Variants in HMBOX1 observed in about 807,000 individuals in gnomAD.
The protein encoded by HMBOX1 is homeobox containing 1.
In HMBOX1, 14 loss-of-function variants were observed where a neutral mutation model predicts 54.5. The observed-to-expected ratio is 0.26, with a 90% CI of 0.17 to 0.40. The LOEUF is 0.40. Ranked by LOEUF, HMBOX1 falls within the 10% of genes least tolerant of loss-of-function variation. The probability of loss-of-function intolerance (pLI) is 1.00; values close to 1 mark genes in which losing one functional copy is unlikely to be tolerated. For synonymous variants in HMBOX1, 160 were observed against 181.0 expected, an observed-to-expected ratio of 0.88 and a Z score of 0.93; for missense variants, 332 against 514.4, an observed-to-expected ratio of 0.65 and a Z score of 3.43.
At position 28,918,605 on chromosome 8, in the gene HMBOX1, T is replaced by C. The variant is rs551997000; in HGVS notation, c.-58+27927T>C. Among the ~76,000 whole-genome samples the C allele has an allele frequency of 5.9e-5, 9 of 152,350 alleles. No homozygotes were observed. In the South Asian group the frequency reaches 1.7e-3, roughly 28 times the overall value. ...CTTGTTTATAGTATTACTTGGTACT[T>C]TTAACCTCTATAGGGTCTCTAATGA... On this transcript the variant is annotated intron_variant, in intron 1 of 9. Transcript: ENST00000287701.
Position 29,024,877 on chromosome 8 carries a change from C to T in HMBOX1, c.851+5964C>T, listed in dbSNP as rs143324207. On this transcript the variant is annotated intron_variant, in intron 6 of 9. Transcript: ENST00000287701. The stretch of plus-strand genomic sequence containing the variant: ...GTGGCAGCAGAGCAAGCATTACTGC[C>T]TGAGCTCCACCTGCTGTGAGATCAG... Among the ~76,000 whole-genome samples, 147 of 152,286 alleles carry T rather than the reference C, an allele frequency of 9.7e-4. 1 individual carries two copies. The highest frequency in any genetic ancestry group is 3.3e-3 in the African/African-American group (137 of 41,568).
At chr8:28,900,271 A>AAAT (rs747317282) in intron 1 of HMBOX1, among the ~76,000 whole-genome samples, 739 of 70,336 alleles carry the variant, frequency 0.011, 8 homozygotes, top group African/African-American at 0.022. Flanking sequence ...AAAAAAAAAA[A>AAAT]ATATATATAT....
intron 1 of HMBOX1, among the ~76,000 whole-genome samples, chr8:28,960,591 A>G (rs1214333328): frequency 6.6e-6 from 1 of 151,594 alleles, no homozygotes; most frequent in Non-Finnish European, 1.5e-5. Context: ...TCATTCTAAA[A>G]GGTATACTGA....
At chr8:28,986,319 T>C (rs1263080561) in intron 4 of HMBOX1, among the ~76,000 whole-genome samples, 2 of 152,352 alleles carry the variant, frequency 1.3e-5, no homozygotes, top group African/African-American at 4.8e-5. Flanking sequence ...ACCTACTGGA[T>C]AGCATCTTGG....
chr8:28,921,554 T>C (rs761130760), intron 1 of HMBOX1, among the ~76,000 whole-genome samples: 22 of 152,220 alleles, frequency 1.4e-4, no homozygotes, highest in Non-Finnish European at 2.2e-4. Flanking sequence ...TTAGTAGATA[T>C]GGTTGACCAA....
chr8:28,987,822 AG>A (rs1331256960), intron 4 of HMBOX1, among the ~76,000 whole-genome samples: 2 of 152,232 alleles, frequency 1.3e-5, no homozygotes, highest in African/African-American at 2.4e-5. Flanking sequence ...TTGGCTTAGA[AG>A]AAAACTTTTA....
chr8:28,976,033 TAA>T (rs2132422680), intron 3 of HMBOX1, among the ~76,000 whole-genome samples: 1 of 152,264 alleles, frequency 6.6e-6, no homozygotes, highest in African/African-American at 2.4e-5. Context: ...TAAAAATACT[TAA>T]GAGAATTGGA....
intron 1 of HMBOX1, among the ~76,000 whole-genome samples, chr8:28,942,602 TTCC>T (rs1290455156): frequency 6.6e-6 from 1 of 152,172 alleles, no homozygotes; most frequent in African/African-American, 2.4e-5. Flanking sequence ...GTTCCCTACT[TTCC>T]TCCTCCTGCT....
chr8:28,980,611 T>G (rs2132477457), intron 4 of HMBOX1, among the ~76,000 whole-genome samples: 1 of 152,332 alleles, frequency 6.6e-6, no homozygotes, highest in East Asian at 1.9e-4. Context: ...GAAACATTAC[T>G]GAGAAGAGTC....
chr8:29,051,545 T>C lies in HMBOX1; in HGVS notation c.*390T>C. On this transcript the variant is annotated 3_prime_UTR_variant, in exon 10 of 10. Coordinates refer to ENST00000287701, the MANE Select transcript of HMBOX1 (RefSeq NM_001135726.3). ...ACACTAGTCTGTACTCCCTTTTCCT[T>C]CCCCAAGACTGATAGGATGCAAGCT... The C allele has an allele frequency of 1.4e-6, 1 of 702,814 alleles. No individual in the cohort carries two copies. The highest frequency in any genetic ancestry group is 2.6e-6 in the Non-Finnish European group (1 of 384,944). 43.5% of individuals were successfully genotyped at this position (702,814 alleles called of 1,614,324 possible).
At chr8:29,049,487 G>T in intron 9 of HMBOX1, 2 of 1,454,764 alleles carry the variant, frequency 1.4e-6, no homozygotes. Flanking sequence ...CGCAGGGCAC[G>T]ATGGAAGGCC....
At chr8:29,032,173 AT>A (rs983866175) in intron 6 of HMBOX1, among the ~76,000 whole-genome samples, 1 of 148,094 alleles carries the variant, frequency 6.8e-6, no homozygotes, top group African/African-American at 2.5e-5. Flanking sequence ...ACCAAAAAAC[AT>A]TTTTCTTCAT....
At chr8:29,046,828 A>G (rs1303059494) in intron 7 of HMBOX1, among the ~76,000 whole-genome samples, 1 of 152,198 alleles carries the variant, frequency 6.6e-6, no homozygotes, top group African/African-American at 2.4e-5. Flanking sequence ...CAAAAACCAC[A>G]AAAGTTAGCC....
chr8:28,915,184 A>G (rs1816270210), intron 1 of HMBOX1, among the ~76,000 whole-genome samples: 1 of 152,204 alleles, frequency 6.6e-6, no homozygotes, highest in Non-Finnish European at 1.5e-5. Flanking sequence ...TATAATGCCT[A>G]TTACATTTTA....
chr8:28,961,271 T>G (rs553402582), intron 1 of HMBOX1, among the ~76,000 whole-genome samples: 1 of 152,332 alleles, frequency 6.6e-6, no homozygotes, highest in African/African-American at 2.4e-5. Context: ...TCAGTGGCAT[T>G]AAATACATAC....
chr8:29,036,316 A>C (rs1391619368), intron 6 of HMBOX1, among the ~76,000 whole-genome samples: 1 of 152,180 alleles, frequency 6.6e-6, no homozygotes, highest in Non-Finnish European at 1.5e-5. Context: ...ACAAGTAAAG[A>C]AAAGCATCCT....
intron 5 of HMBOX1, among the ~76,000 whole-genome samples, chr8:29,013,219 TC>T (rs957959075): frequency 1.3e-5 from 2 of 152,180 alleles, no homozygotes; most frequent in African/African-American, 4.8e-5. Context: ...CACTGCAACT[TC>T]TGCCTTTCGG....
At chr8:29,019,006 A>G in intron 6 of HMBOX1, 93 bp downstream of exon 6, 1 of 1,127,830 alleles carries the variant, frequency 8.9e-7, no homozygotes, top group East Asian at 2.4e-5. Flanking sequence ...CAAACAAGTA[A>G]CTTGGTATCT....
rs151311106 is a variant in HMBOX1 at position 28,998,509 on chromosome 8, A to G, written c.587-10563A>G. ...ATTTTTATATGATATATCTTTTTCC[A>G]TTCTTTTACTTTCAACCTAATTATG... On this transcript the variant is annotated intron_variant, in intron 4 of 9. Coordinates refer to ENST00000287701, the MANE Select transcript of HMBOX1 (RefSeq NM_001135726.3). Among the ~76,000 whole-genome samples, 9 of 152,072 alleles carry G rather than the reference A, an allele frequency of 5.9e-5. No homozygotes were observed. The East Asian group carries it at 1.7e-3, about 29-fold the overall frequency.
Sources: allele counts gnomAD v4.1 joint callset (sites outside exome capture counted in the v4.1 genomes callset), GRCh38; gene constraint gnomAD v4.1.1; transcripts MANE v1.5; gene names NCBI Gene and HGNC (gene_info 2026-07-23, HGNC 2026-07-21).